The following RAPGEF5 variants were observed in gnomAD, a reference collection of about 807,000 sequenced individuals.
The protein encoded by RAPGEF5 is Rap guanine nucleotide exchange factor 5, also known as M-Ras-regulated GEF.
In RAPGEF5, 65 loss-of-function variants were observed where a neutral mutation model predicts 125.2. The ratio of observed to expected loss-of-function variants is 0.52; its 90% confidence interval spans 0.43 to 0.64. The LOEUF (loss-of-function observed/expected upper bound fraction) is 0.64, where lower values mean the gene tolerates loss of function less well. Among genes scored for constraint, RAPGEF5 ranks in the 30% least tolerant of loss-of-function variants. The probability of loss-of-function intolerance (pLI) is 0.00; values close to 1 mark genes in which losing one functional copy is unlikely to be tolerated. For missense variants in RAPGEF5, 958 were observed against 1,048.1 expected, an observed-to-expected ratio of 0.91 and a Z score of 1.19; for synonymous variants, 391 against 385.9, an observed-to-expected ratio of 1.01 and a Z score of -0.16.
At position 22,150,513 on chromosome 7, in the gene RAPGEF5, G is replaced by GGAA. The variant is rs778160951; in HGVS notation, c.1787-10_1787-9insTTC. ...CTGAAGTTCATGCTTTTCTTTATTT[G>GGAA]AAAAAAAAAAAAAAAAAAGGAATAA... is the stretch of plus-strand genomic sequence containing the variant. On this transcript the variant is annotated splice_polypyrimidine_tract_variant and intron_variant, in intron 17 of 25. Transcript: ENST00000665637. 89 of 1,353,508 alleles carry GGAA rather than the reference G, an allele frequency of 6.6e-5. No individual in the cohort carries two copies. The Middle Eastern group carries it at 2.7e-3, about 41-fold the overall frequency. 83.8% of individuals were successfully genotyped at this position (1,353,508 alleles called of 1,614,324 possible).
intron 9 of RAPGEF5, among the ~76,000 whole-genome samples, chr7:22,210,031 C>A (rs946857866): frequency 1.3e-5 from 2 of 152,164 alleles, no homozygotes; most frequent in African/African-American, 4.8e-5. Flanking sequence ...TTAGAGGAAA[C>A]TGCTTATAAT....
chr7:22,221,399 T>C (rs1785785673), intron 8 of RAPGEF5, among the ~76,000 whole-genome samples: 1 of 152,220 alleles, frequency 6.6e-6, no homozygotes, highest in Non-Finnish European at 1.5e-5. Context: ...CTATTCTTTA[T>C]CCAATGTGAC....
chr7:22,266,104 G>GA (rs1472390886), intron 7 of RAPGEF5, among the ~76,000 whole-genome samples: 1 of 152,092 alleles, frequency 6.6e-6, no homozygotes, highest in Admixed American at 6.6e-5. Context: ...TTTCTAACTG[G>GA]AAAAAGAAAG....
At position 22,187,204 on chromosome 7, in the gene RAPGEF5, C is replaced by T. The variant is rs975374851; in HGVS notation, c.1204+6163G>A. ...TTTGGAGGTCATCTACACCAATTCT[C>T]AGGTCTCCCTCCCACCTAAAATTCT... On this transcript the variant is annotated intron_variant, in intron 11 of 25. Coordinates refer to ENST00000665637, the MANE Select transcript of RAPGEF5 (RefSeq NM_012294.5). Among the ~76,000 whole-genome samples the T allele has an allele frequency of 6.6e-5, 10 of 152,292 alleles. No homozygotes were observed. The Middle Eastern group carries it at 0.01, about 155-fold the overall frequency.
At chr7:22,289,476 T>C (rs1287979816) in intron 6 of RAPGEF5, among the ~76,000 whole-genome samples, 1 of 152,248 alleles carries the variant, frequency 6.6e-6, no homozygotes, top group Non-Finnish European at 1.5e-5. Context: ...ACAGTACAGC[T>C]TAGCAGAATG....
intron 1 of RAPGEF5, among the ~76,000 whole-genome samples, chr7:22,325,344 C>T (rs951443668): frequency 5.3e-5 from 8 of 152,248 alleles, no homozygotes; most frequent in East Asian, 1.9e-4. Context: ...TGATTTATTT[C>T]CAACATCACA....
At position 22,267,001 on chromosome 7, in the gene RAPGEF5, C is replaced by A. The variant is rs1248743142; in HGVS notation, c.759G>T (p.Glu253Asp). The change falls in exon 7 of 26, where the codon GAG becomes GAT. Residue 253 changes from glutamate (E) to aspartate (D), a missense_variant. Glu to Asp is a conservative substitution (Grantham distance 45, BLOSUM62 2). Transcript: ENST00000665637. ...LVRLTSAVQR[E>D]LAAVIALKAR... ...CTTTCAAAGCAATAACAGCTGCTAG[C>A]TCTCTCTGCACCTAATAAAATATTA... is the stretch of plus-strand genomic sequence containing the variant. 1 of 1,610,130 alleles carries A rather than the reference C, an allele frequency of 6.2e-7. No individual in the cohort carries two copies. The highest frequency in any genetic ancestry group is 8.5e-7 in the Non-Finnish European group (1 of 1,176,958).
chr7:22,335,596 G>C (rs1784010103), intron 1 of RAPGEF5, among the ~76,000 whole-genome samples: 1 of 151,544 alleles, frequency 6.6e-6, no homozygotes, highest in Non-Finnish European at 1.5e-5. Context: ...TTTTCCTGGA[G>C]GCCACAAAGC....
intron 12 of RAPGEF5, chr7:22,162,985 TA>T (rs1231908319): frequency 4.4e-6 from 2 of 457,126 alleles, no homozygotes; most frequent in Admixed American, 2.3e-5. Flanking sequence ...CAGGTGCTTC[TA>T]AAGTAGTTCC....
In RAPGEF5 at chr7:22,156,929, C is replaced by T. The variant is rs761014998; in HGVS notation, c.1558-41G>A. 2.8e-5 allele frequency: 45 copies of T among 1,611,034 alleles called. 1 individual carries two copies. The South Asian group carries it at 4.8e-4, about 17-fold the overall frequency. On this transcript the variant is annotated intron_variant, in intron 15 of 25. Coordinates refer to ENST00000665637, the MANE Select transcript of RAPGEF5 (RefSeq NM_012294.5). ...AAGAGAACAATGAATGAATACATTC[C>T]TGCCCTTTGGAAAACCATAGCTGTT...
At chr7:22,264,529 C>G (rs902400938) in intron 7 of RAPGEF5, among the ~76,000 whole-genome samples, 2 of 152,200 alleles carry the variant, frequency 1.3e-5, no homozygotes, top group African/African-American at 4.8e-5. Context: ...CCTCCACCTC[C>G]AGAAAGTTGA....
chr7:22,162,392 A>G lies in RAPGEF5; in HGVS notation c.1428+5T>C. The G allele has an allele frequency of 6.4e-7, 1 of 1,566,852 alleles. No homozygotes were observed. The highest frequency in any genetic ancestry group is 8.8e-7 in the Non-Finnish European group (1 of 1,140,872). On this transcript the variant is annotated splice_donor_5th_base_variant and intron_variant, in intron 13 of 25. Transcript: ENST00000665637. ...ATCAAAGAATATCTGGAAATGTTTG[A>G]TTACCTTTAAAAACATTTTTGAATG...
chr7:22,132,655 G>T (rs1202655731), intron 23 of RAPGEF5, among the ~76,000 whole-genome samples: 2 of 152,160 alleles, frequency 1.3e-5, no homozygotes, highest in African/African-American at 2.4e-5. Context: ...AAGAATTCCA[G>T]ATTCCACACA....
At chr7:22,298,906 T>A (rs1783130219) in intron 5 of RAPGEF5, among the ~76,000 whole-genome samples, 1 of 152,226 alleles carries the variant, frequency 6.6e-6, no homozygotes, top group South Asian at 2.1e-4. Context: ...TTGTTCATAA[T>A]ATTCATTTGT....
chr7:22,346,501 G>A (rs201132013), intron 1 of RAPGEF5, among the ~76,000 whole-genome samples: 1 of 152,114 alleles, frequency 6.6e-6, no homozygotes, highest in East Asian at 1.9e-4. Context: ...GTCAGAGCAA[G>A]CAGAAGTGAT....
At chr7:22,158,388 C>G (rs1008612852) in intron 14 of RAPGEF5, among the ~76,000 whole-genome samples, 1 of 152,160 alleles carries the variant, frequency 6.6e-6, no homozygotes, top group African/African-American at 2.4e-5. Flanking sequence ...CGCAGATGCC[C>G]ACCTTCAAGT....
chr7:22,352,410 T>TAA (rs113177116), intron 1 of RAPGEF5, among the ~76,000 whole-genome samples: 99 of 150,124 alleles, frequency 6.6e-4, no homozygotes, highest in Admixed American at 4.2e-3. Context: ...GATTGTCAGT[T>TAA]TAAAAAAAAA....
intron 14 of RAPGEF5, 29 bp from the exon 15 acceptor site, chr7:22,157,914 CT>C: frequency 6.3e-7 from 1 of 1,597,836 alleles, no homozygotes; most frequent in Non-Finnish European, 8.6e-7. Context: ...AGAAGTCAGT[CT>C]TTGTCTCAAA....
chr7:22,219,849 A>G lies in RAPGEF5; in HGVS notation c.996+17T>C, dbSNP rs758157560. 3 of 1,580,988 alleles carry G rather than the reference A, an allele frequency of 1.9e-6. No individual in the cohort carries two copies. Among genetic ancestry groups the G allele is most frequent in the Non-Finnish European group, 2.6e-6 (3 of 1,157,270 alleles). On this transcript the variant is annotated intron_variant, in intron 9 of 25. Transcript: ENST00000665637. ...CCACCCCTTCAAACCTGCATCCCCAAGAGGCAAAAGGCTTACGTGTTCAGA... is the reference window on the plus strand; with the variant it reads ...CCACCCCTTCAAACCTGCATCCCCAGGAGGCAAAAGGCTTACGTGTTCAGA...
Sources: gnomAD v4.1 joint callset for allele counts (sites outside exome capture counted in the v4.1 genomes callset) on GRCh38, gnomAD v4.1.1 for gene constraint, MANE v1.5 for transcripts, NCBI Gene and HGNC (gene_info 2026-07-23, HGNC 2026-07-21) for gene names.